The following PPARGC1A variants were observed in gnomAD, a reference collection of about 807,000 sequenced individuals.
The protein encoded by PPARGC1A is peroxisome proliferator-activated receptor gamma coactivator 1-alpha.
In PPARGC1A, 25 loss-of-function variants were observed where a neutral mutation model predicts 88.7. That is an observed-to-expected ratio of 0.28 (90% CI 0.21 to 0.39). The LOEUF (loss-of-function observed/expected upper bound fraction) is 0.39, where lower values mean the gene tolerates loss of function less well. PPARGC1A is among the 10% of genes least tolerant of loss of function. PPARGC1A has a pLI of 1.00. For synonymous variants in PPARGC1A, 363 were observed against 355.6 expected, an observed-to-expected ratio of 1.02 and a Z score of -0.24; for missense variants, 880 against 968.7, an observed-to-expected ratio of 0.91 and a Z score of 1.22.
chr4:24,401,796 G>A, the PPARGC1A span, among the ~76,000 whole-genome samples: 58 of 152,280 alleles, frequency 3.8e-4, no homozygotes, highest in African/African-American at 1.3e-3. Context: ...GGTAACTCAA[G>A]GCTGATGAGA....
the PPARGC1A span, among the ~76,000 whole-genome samples, chr4:24,317,537 G>C: frequency 8.9e-6 from 1 of 112,070 alleles, no homozygotes; most frequent in African/African-American, 3.3e-5. Flanking sequence ...ACTTTGAGGA[G>C]CCCAGTGTTC....
chr4:24,213,898 G>A, the PPARGC1A span, among the ~76,000 whole-genome samples: 2 of 152,200 alleles, frequency 1.3e-5, no homozygotes, highest in Non-Finnish European at 2.9e-5. Flanking sequence ...TGTGGTAGGA[G>A]GAACACTGAT....
chr4:24,027,285 T>C, the PPARGC1A span, among the ~76,000 whole-genome samples: 1 of 151,006 alleles, frequency 6.6e-6, no homozygotes, highest in African/African-American at 2.4e-5. Context: ...CTCCACCATT[T>C]ATAGCATAAC....
At chr4:24,463,400 T>C in the PPARGC1A span, among the ~76,000 whole-genome samples, 1 of 152,148 alleles carries the variant, frequency 6.6e-6, no homozygotes, top group African/African-American at 2.4e-5. Context: ...AATTAAGAGG[T>C]TTAGCAAGCC....
At chr4:23,912,216 G>A in the PPARGC1A span, among the ~76,000 whole-genome samples, 1 of 152,096 alleles carries the variant, frequency 6.6e-6, no homozygotes, top group Admixed American at 6.6e-5. Flanking sequence ...GGCTTTCTAG[G>A]TCAGACCAAG....
chr4:23,939,693 T>C, the PPARGC1A span, among the ~76,000 whole-genome samples: 6 of 152,196 alleles, frequency 3.9e-5, no homozygotes, highest in Admixed American at 2.6e-4. Flanking sequence ...TCAACACTAA[T>C]AATGGCTACC....
the PPARGC1A span, among the ~76,000 whole-genome samples, chr4:24,434,600 A>G: frequency 1.3e-5 from 2 of 152,098 alleles, no homozygotes; most frequent in Admixed American, 6.5e-5. Context: ...CATGCTCTCT[A>G]AGGTCATGGT....
chr4:24,333,248 GA>G, the PPARGC1A span, among the ~76,000 whole-genome samples: 8 of 146,032 alleles, frequency 5.5e-5, no homozygotes, highest in South Asian at 8.7e-4. Flanking sequence ...CATCTCAAAA[GA>G]AAAAAAAAAG....
the PPARGC1A span, among the ~76,000 whole-genome samples, chr4:24,027,428 G>A: frequency 1.3e-5 from 2 of 151,974 alleles, no homozygotes; most frequent in African/African-American, 2.4e-5. Context: ...TCATACTATT[G>A]CATGAAGATA....
intron 10 of PPARGC1A, among the ~76,000 whole-genome samples, chr4:23,812,162 C>T (rs1468836742): frequency 6.6e-6 from 1 of 151,874 alleles, no homozygotes; most frequent in Non-Finnish European, 1.5e-5. Flanking sequence ...AGGCTGGTCT[C>T]AAACTTCTGG....
chr4:24,341,387 A>C, the PPARGC1A span, among the ~76,000 whole-genome samples: 3 of 152,136 alleles, frequency 2.0e-5, no homozygotes, highest in Non-Finnish European at 4.4e-5. Flanking sequence ...AAATTGGCAC[A>C]TATATTTTAA....
At chr4:23,869,781 G>C (rs959742577) in intron 2 of PPARGC1A, among the ~76,000 whole-genome samples, 2 of 152,134 alleles carry the variant, frequency 1.3e-5, no homozygotes, top group Non-Finnish European at 2.9e-5. Flanking sequence ...CTTATTTGAG[G>C]ACTGGGTAGG....
chr4:24,366,399 T>C, the PPARGC1A span, among the ~76,000 whole-genome samples: 2 of 152,218 alleles, frequency 1.3e-5, no homozygotes, highest in African/African-American at 4.8e-5. Flanking sequence ...CTTTCTATTC[T>C]GGAAAGAATT....
chr4:24,082,513 G>A, the PPARGC1A span, among the ~76,000 whole-genome samples: 2 of 152,170 alleles, frequency 1.3e-5, no homozygotes, highest in African/African-American at 4.8e-5. Context: ...GCCATGGAAT[G>A]ATTGAGTAGT....
At chr4:24,234,058 T>C in the PPARGC1A span, among the ~76,000 whole-genome samples, 19 of 152,342 alleles carry the variant, frequency 1.2e-4, no homozygotes, top group Middle Eastern at 3.4e-3. Context: ...AGAGATGTGC[T>C]GTGCAAATCC....
chr4:24,274,004 G>T, the PPARGC1A span, among the ~76,000 whole-genome samples: 1 of 151,738 alleles, frequency 6.6e-6, no homozygotes, highest in African/African-American at 2.4e-5. Context: ...CTCCCAAAGT[G>T]CTGGGATTAC....
chr4:24,362,382 A>G, the PPARGC1A span, among the ~76,000 whole-genome samples: 2 of 152,056 alleles, frequency 1.3e-5, no homozygotes, highest in Non-Finnish European at 2.9e-5. Flanking sequence ...GGATGGATGG[A>G]TGGATGGATG....
the PPARGC1A span, among the ~76,000 whole-genome samples, chr4:24,110,109 C>T: frequency 6.6e-6 from 1 of 152,198 alleles, no homozygotes; most frequent in Non-Finnish European, 1.5e-5. Context: ...TGCTCCAGTG[C>T]TCAGCTGTCT....
At chr4:23,951,120 G>C in the PPARGC1A span, among the ~76,000 whole-genome samples, 1 of 152,202 alleles carries the variant, frequency 6.6e-6, no homozygotes, top group East Asian at 1.9e-4. Flanking sequence ...CCCTCTCTCT[G>C]ACTTTGAAAG....
Sources: allele counts gnomAD v4.1 joint callset (sites outside exome capture counted in the v4.1 genomes callset), GRCh38; gene constraint gnomAD v4.1.1; transcripts MANE v1.5; gene names NCBI Gene and HGNC (gene_info 2026-07-23, HGNC 2026-07-21).